The following RNLS variants were observed in gnomAD, a reference collection of about 807,000 sequenced individuals.
RNLS encodes the protein renalase, FAD dependent amine oxidase.
A neutral mutation model predicts 39.8 loss-of-function variants in RNLS; 39 were observed. That is an observed-to-expected ratio of 0.98 (90% CI 0.76 to 1.28). RNLS has a LOEUF of 1.28. Ranked by LOEUF, RNLS falls within the 50% of genes most tolerant of loss-of-function variation. The pLI, the probability that RNLS is intolerant of heterozygous loss-of-function variation, is 0.00. For synonymous variants in RNLS, 147 were observed against 150.7 expected (o/e 0.98, Z 0.18); for missense variants, 410 against 413.3 (o/e 0.99, Z 0.07).
chr10:88,301,617 A>T (rs759489409), intron 6 of RNLS, among the ~76,000 whole-genome samples: 1 of 152,244 alleles, frequency 6.6e-6, no homozygotes, highest in African/African-American at 2.4e-5. Context: ...AATGATTGGT[A>T]AGAAGCTGGA....
At chr10:88,231,942 CTGTGTG>C in the RNLS span, among the ~76,000 whole-genome samples, 96 of 149,544 alleles carry the variant, frequency 6.4e-4, no homozygotes, top group Non-Finnish European at 1.1e-3. Context: ...CACAGGATTT[CTGTGTG>C]TGTGTGTGTG....
chr10:88,293,083 T>G (rs1385582362), intron 6 of RNLS, among the ~76,000 whole-genome samples: 5 of 151,918 alleles, frequency 3.3e-5, no homozygotes, highest in African/African-American at 1.2e-4. Context: ...AAAATTTTCA[T>G]CCACTCCAAT....
chr10:88,501,368 A>G (rs1845474070), intron 4 of RNLS, among the ~76,000 whole-genome samples: 1 of 152,284 alleles, frequency 6.6e-6, no homozygotes, highest in East Asian at 1.9e-4. Flanking sequence ...TAGACATTCA[A>G]TTAACTGTTA....
intron 4 of RNLS, among the ~76,000 whole-genome samples, chr10:88,404,606 T>A (rs962816304): frequency 6.6e-6 from 1 of 152,034 alleles, no homozygotes; most frequent in Non-Finnish European, 1.5e-5. Flanking sequence ...ATGGCTTAAG[T>A]TTGACGGGAA....
At chr10:88,474,369 C>G (rs1016183862) in intron 4 of RNLS, among the ~76,000 whole-genome samples, 1 of 152,098 alleles carries the variant, frequency 6.6e-6, no homozygotes, top group Admixed American at 6.6e-5. Flanking sequence ...TTCTTTGTTG[C>G]GTGAGGTATT....
intron 4 of RNLS, among the ~76,000 whole-genome samples, chr10:88,460,387 G>A (rs887391999): frequency 2.0e-5 from 3 of 152,074 alleles, no homozygotes; most frequent in Admixed American, 6.6e-5. Flanking sequence ...TCGCATAGCT[G>A]TCTCCTACTC....
chr10:88,292,882 G>GA (rs1013079160), intron 6 of RNLS, among the ~76,000 whole-genome samples: 22 of 145,948 alleles, frequency 1.5e-4, no homozygotes, highest in Admixed American at 2.1e-4. Flanking sequence ...TCTCTACTTA[G>GA]AAAAAAAAAA....
At chr10:88,274,853 T>C (rs1030654209) in exon 7 of RNLS, 1 of 789,462 alleles carries the variant, frequency 1.3e-6, no homozygotes. Flanking sequence ...TGCCAACATT[T>C]ATCTTCTGTT....
intron 4 of RNLS, among the ~76,000 whole-genome samples, chr10:88,383,255 T>C (rs542525672): frequency 3.4e-4 from 51 of 152,200 alleles, no homozygotes; most frequent in African/African-American, 9.4e-4. Context: ...AGGGCCAAGA[T>C]TGAAATTTTT....
At chr10:88,226,106 G>T in the RNLS span, among the ~76,000 whole-genome samples, 2 of 152,156 alleles carry the variant, frequency 1.3e-5, no homozygotes, top group African/African-American at 2.4e-5. Flanking sequence ...AACTGTTGAA[G>T]TTCTCCTCTG....
intron 6 of RNLS, among the ~76,000 whole-genome samples, chr10:88,308,525 G>T (rs1554853893): frequency 6.6e-6 from 1 of 151,712 alleles, no homozygotes; most frequent in Non-Finnish European, 1.5e-5. Flanking sequence ...AAATTCAGAT[G>T]AAAAAAAAGC....
chr10:88,233,011 G>A, the RNLS span, among the ~76,000 whole-genome samples: 3 of 152,190 alleles, frequency 2.0e-5, no homozygotes, highest in African/African-American at 7.2e-5. Flanking sequence ...ATGCAGAAAC[G>A]GAGGCCCAGA....
At chr10:88,352,821 G>T (rs1299675657) in intron 5 of RNLS, among the ~76,000 whole-genome samples, 6 of 152,140 alleles carry the variant, frequency 3.9e-5, no homozygotes, top group Admixed American at 2.0e-4. Context: ...TGGTGAATCT[G>T]TCTGGTCCTC....
the RNLS span, among the ~76,000 whole-genome samples, chr10:88,222,277 A>G: frequency 1.3e-5 from 2 of 152,146 alleles, no homozygotes; most frequent in African/African-American, 2.4e-5. Flanking sequence ...AAATAATCCA[A>G]CCCACATCTG....
At chr10:88,516,886 C>T (rs868388488) in intron 4 of RNLS, among the ~76,000 whole-genome samples, 3 of 151,882 alleles carry the variant, frequency 2.0e-5, no homozygotes, top group Admixed American at 1.3e-4. Flanking sequence ...TCAGATATAC[C>T]GACTTTGACA....
chr10:88,222,586 C>T, the RNLS span, among the ~76,000 whole-genome samples: 108,681 of 152,070 alleles, frequency 0.71, 39,374 homozygotes, highest in African/African-American at 0.82. Flanking sequence ...AAAGACCTCC[C>T]GGAATATTGC....
the RNLS span, among the ~76,000 whole-genome samples, chr10:88,222,697 A>G: frequency 1.4e-5 from 1 of 72,478 alleles, no homozygotes; most frequent in African/African-American, 7.4e-5. Context: ...ATGAGAGGTA[A>G]GTGTCTAACC....
At chr10:88,261,756 A>T in the RNLS span, among the ~76,000 whole-genome samples, 1 of 152,234 alleles carries the variant, frequency 6.6e-6, no homozygotes, top group Non-Finnish European at 1.5e-5. Flanking sequence ...TTAGATAATT[A>T]AAAAGAATGA....
chr10:88,311,357 C>T (rs1270373769), intron 6 of RNLS, among the ~76,000 whole-genome samples: 1 of 152,146 alleles, frequency 6.6e-6, no homozygotes, highest in Admixed American at 6.5e-5. Flanking sequence ...ATACTTGTTA[C>T]AGAAACCTTA....
Sources: gnomAD v4.1 joint callset for allele counts (sites outside exome capture counted in the v4.1 genomes callset) on GRCh38, gnomAD v4.1.1 for gene constraint, MANE v1.5 for transcripts, NCBI Gene and HGNC (gene_info 2026-07-23, HGNC 2026-07-21) for gene names.